ABCA12: variants seen among roughly 807,000 people sequenced by gnomAD.
ABCA12 encodes ATP binding cassette subfamily A member 12.
A neutral mutation model predicts 293.5 loss-of-function variants in ABCA12; 156 were observed. The ratio of observed to expected loss-of-function variants is 0.53; its 90% confidence interval spans 0.47 to 0.61. ABCA12 has a LOEUF of 0.61. ABCA12 is among the 20% of genes least tolerant of loss of function. The pLI is 0.00. For missense variants in ABCA12, 2,797 were observed against 3,090.2 expected, an observed-to-expected ratio of 0.91 and a Z score of 2.25; for synonymous variants, 1,063 against 1,108.0, an observed-to-expected ratio of 0.96 and a Z score of 0.81.
intron 4 of ABCA12, among the ~76,000 whole-genome samples, chr2:215,052,946 C>T (rs1701349981): frequency 6.6e-6 from 1 of 152,068 alleles, no homozygotes; most frequent in Admixed American, 6.6e-5. Flanking sequence ...TCCACAGATC[C>T]ATCATATCCA....
intron 38 of ABCA12, among the ~76,000 whole-genome samples, chr2:214,967,300 T>C (rs1699284207): frequency 6.6e-6 from 1 of 152,110 alleles, no homozygotes; most frequent in Non-Finnish European, 1.5e-5. Flanking sequence ...TAAGGTATCC[T>C]GGCTGCCAAT....
At chr2:215,031,799 T>C in intron 9 of ABCA12, 22 bp downstream of exon 9, 3 of 1,613,658 alleles carry the variant, frequency 1.9e-6, no homozygotes, top group Non-Finnish European at 8.5e-7. Context: ...ATCTACCTAT[T>C]TAGAAATAAA....
intron 18 of ABCA12, among the ~76,000 whole-genome samples, chr2:215,008,338 C>G (rs1700298293): frequency 6.6e-6 from 1 of 152,000 alleles, no homozygotes; most frequent in Non-Finnish European, 1.5e-5. Context: ...AAAAATACTG[C>G]TACATAAAAC....
intron 9 of ABCA12, among the ~76,000 whole-genome samples, chr2:215,028,354 G>A (rs1159571384): frequency 6.6e-6 from 1 of 152,224 alleles, no homozygotes; most frequent in Non-Finnish European, 1.5e-5. Flanking sequence ...TAACTTGGCA[G>A]TCAGAGCACA....
In ABCA12 at chr2:214,983,732, G is replaced by A. The variant is rs1170045794; in HGVS notation, c.4297C>T (p.Leu1433Phe). The A allele has an allele frequency of 1.2e-6, 2 of 1,613,932 alleles. No homozygotes were observed. Among genetic ancestry groups the A allele is most frequent in the South Asian group, 2.2e-5 (2 of 91,084 alleles). Residue 1433 changes from leucine to phenylalanine, a missense_variant, in exon 29 of 53, where the codon CTC becomes TTC. This residue lies in a region of ABCA12 where 2,130 missense variants were observed against 2,427.0 expected (regional missense o/e 0.88). Transcript: ENST00000272895. ...CMQHDVLFSYLTTKEHLLLYG... is the reference protein window; with the variant it reads ...CMQHDVLFSYFTTKEHLLLYG... The stretch of plus-strand genomic sequence containing the variant: ...AGGAGAAGGTGCTCCTTAGTAGTGA[G>A]GTAACTGAACAAGACGTCGTGCTGC...
chr2:214,944,415 A>T lies in ABCA12; in HGVS notation c.7343+586T>A, dbSNP rs80207521. 6.7e-3 allele frequency among the ~76,000 whole-genome samples: 874 copies of T among 131,216 alleles called. 8 individuals carry two copies. Among genetic ancestry groups the T allele is most frequent in the African/African-American group, 0.021 (756 of 35,940 alleles). 86.1% of individuals were successfully genotyped at this position (131,216 alleles called of 152,430 possible). On this transcript the variant is annotated intron_variant, in intron 49 of 52. Transcript: ENST00000272895. Reference sequence around the variant, plus strand: ...TGACAGAGTAAGACTCTGTCTAAATAAAAAAAATTAAAAAATAAAAAAAAA... The same window carrying T: ...TGACAGAGTAAGACTCTGTCTAAATTAAAAAAATTAAAAAATAAAAAAAAA...
At chr2:215,044,693 C>T (rs1701166645) in intron 7 of ABCA12, among the ~76,000 whole-genome samples, 1 of 152,100 alleles carries the variant, frequency 6.6e-6, no homozygotes, top group Non-Finnish European at 1.5e-5. Context: ...ACTGTAGAAC[C>T]TTGGGGAAGC....
chr2:214,967,385 A>C (rs1699287107), intron 38 of ABCA12, among the ~76,000 whole-genome samples: 1 of 152,184 alleles, frequency 6.6e-6, no homozygotes, highest in Non-Finnish European at 1.5e-5. Context: ...TGGTGTCCTT[A>C]GCACAAGATT....
At chr2:215,017,365 G>A (rs1359452979) in intron 14 of ABCA12, among the ~76,000 whole-genome samples, 1 of 152,170 alleles carries the variant, frequency 6.6e-6, no homozygotes, top group Non-Finnish European at 1.5e-5. Context: ...ACCAGCATAT[G>A]AAGAAATGAC....
Position 215,005,692 on chromosome 2 carries a change from C to T in ABCA12, c.2593-1393G>A, listed in dbSNP as rs201616531. Among the ~76,000 whole-genome samples, 3 of 152,190 alleles carry T rather than the reference C, an allele frequency of 2.0e-5. No individual in the cohort carries two copies. The East Asian group carries it at 5.8e-4, about 29-fold the overall frequency. ...CCATTAAACCCTATTTCAATTCTCC[C>T]ATCACTCCTTTTACAATCAATCATA... On this transcript the variant is annotated intron_variant, in intron 19 of 52. Transcript: ENST00000272895.
At chr2:215,080,650 A>C (rs1291954962) in intron 2 of ABCA12, 1 of 152,948 alleles carries the variant, frequency 6.5e-6, no homozygotes, top group Non-Finnish European at 1.5e-5. Context: ...TTAAGAGAGA[A>C]AAATCCCTTA....
At chr2:214,946,749 C>A (rs1559106675) in intron 48 of ABCA12, among the ~76,000 whole-genome samples, 1 of 152,054 alleles carries the variant, frequency 6.6e-6, no homozygotes, top group Non-Finnish European at 1.5e-5. Context: ...TCTGAAATAA[C>A]CATCCTTTGA....
intron 19 of ABCA12, among the ~76,000 whole-genome samples, chr2:215,007,000 C>T (rs949512318): frequency 6.6e-6 from 1 of 150,598 alleles, no homozygotes; most frequent in African/African-American, 2.4e-5. Context: ...CTCAGCCTCC[C>T]GAGTAATTGG....
chr2:215,078,538 T>G (rs1357496569), intron 2 of ABCA12, among the ~76,000 whole-genome samples: 3 of 152,228 alleles, frequency 2.0e-5, no homozygotes, highest in Non-Finnish European at 4.4e-5. Context: ...AGTTGATAAG[T>G]ATCCCCTTTG....
intron 12 of ABCA12, 38 bp from the exon 13 acceptor site, chr2:215,019,486 T>C (rs1448994535): frequency 6.2e-7 from 1 of 1,613,820 alleles, no homozygotes; most frequent in Admixed American, 1.7e-5. Context: ...CAACTAAGTA[T>C]TTCAATATTT....
At position 214,987,681 on chromosome 2, in the gene ABCA12, A is replaced by G. The variant is rs902305516; in HGVS notation, c.3942T>C (p.Thr1314=). 6.2e-7 allele frequency: 1 copy of G among 1,614,100 alleles called. No individual in the cohort carries two copies. The change falls in exon 27 of 53, where the codon ACT becomes ACC. Residue 1314 remains threonine, a synonymous_variant. Transcript: ENST00000272895. ...GGTTGGTGTTCTGCATCATGATGTT[A>G]GTAAACATGAGGCCATTGCTCTTCT... ...KPEKSNGLMF[T]NIMMQNTNPS...
chr2:215,093,844 A>G (rs574377867), intron 2 of ABCA12, among the ~76,000 whole-genome samples: 1 of 152,040 alleles, frequency 6.6e-6, no homozygotes, highest in African/African-American at 2.4e-5. Flanking sequence ...CTGATACCAC[A>G]CCTGACCCCC....
chr2:215,131,278 AT>A (rs562693569), intron 1 of ABCA12, among the ~76,000 whole-genome samples: 4 of 150,284 alleles, frequency 2.7e-5, no homozygotes, highest in Middle Eastern at 3.4e-3. Context: ...CTCCTCTTCG[AT>A]TTTTTTTTGG....
intron 11 of ABCA12, among the ~76,000 whole-genome samples, chr2:215,024,515 A>G (rs1437297735): frequency 6.6e-6 from 1 of 152,228 alleles, no homozygotes; most frequent in Non-Finnish European, 1.5e-5. Flanking sequence ...ATGAGTAGGA[A>G]TTTTCCAGAT....
Sources: gnomAD v4.1 joint callset for allele counts (sites outside exome capture counted in the v4.1 genomes callset) on GRCh38, gnomAD v4.1.1 for gene constraint, gnomAD v4.1.1 regional missense constraint, MANE v1.5 for transcripts, NCBI Gene and HGNC (gene_info 2026-07-23, HGNC 2026-07-21) for gene names.